The following SYNE1 variants were observed in gnomAD, a reference collection of about 807,000 sequenced individuals.
SYNE1 encodes the protein spectrin repeat containing nuclear envelope protein 1, also known as nesprin-1.
In SYNE1, 616 loss-of-function variants were observed where a neutral mutation model predicts 1,111.0. That is an observed-to-expected ratio of 0.55 (90% CI 0.52 to 0.59). The LOEUF (loss-of-function observed/expected upper bound fraction) is 0.59. Among genes scored for constraint, SYNE1 ranks in the 20% least tolerant of loss-of-function variants. The probability of loss-of-function intolerance (pLI) is 0.00; values close to 1 mark genes in which losing one functional copy is unlikely to be tolerated. For missense variants in SYNE1, 10,006 were observed against 10,417.0 expected (o/e 0.96, Z 1.72); for synonymous variants, 3,855 against 3,825.8 (o/e 1.01, Z -0.28).
chr6:152,443,171 C>A (rs2098548035), intron 30 of SYNE1, among the ~76,000 whole-genome samples: 1 of 152,052 alleles, frequency 6.6e-6, no homozygotes, highest in African/African-American at 2.4e-5. Flanking sequence ...ACATAAATAT[C>A]TATAATCTTA....
rs147212761 is a variant in SYNE1 at position 152,280,176 on chromosome 6, T to C, written c.18381+1631A>G. 6.7e-3 allele frequency among the ~76,000 whole-genome samples: 1,019 copies of C among 152,350 alleles called. 14 individuals carry two copies. Among genetic ancestry groups the C allele is most frequent in the African/African-American group, 0.024 (990 of 41,584 alleles). On this transcript the variant is annotated intron_variant, in intron 97 of 145. Transcript: ENST00000367255. ...CCGTTATAATTAGTGTGCAACTGAA[T>C]TCATATTAGATTTTAACTGACAAGA...
intron 117 of SYNE1, among the ~76,000 whole-genome samples, chr6:152,223,251 G>A (rs1046144479): frequency 7.2e-5 from 11 of 152,078 alleles, no homozygotes; most frequent in South Asian, 2.1e-4. Flanking sequence ...CCTTAGTAAC[G>A]ACAATTTAAG....
At position 152,353,733 on chromosome 6, in the gene SYNE1, T is replaced by A. The variant is rs768435931; in HGVS notation, c.10938A>T (p.Glu3646Asp). 2.5e-6 allele frequency: 4 copies of A among 1,614,084 alleles called. No individual in the cohort carries two copies. The South Asian group carries it at 4.4e-5, about 18-fold the overall frequency. Residue 3646 changes from glutamate to aspartate, a missense_variant, in exon 68 of 146, where the codon GAA becomes GAT. Around this residue, in one of 7 missense-constraint regions of SYNE1, gnomAD observed 4,955 missense variants for 5,017.2 expected, o/e 0.99. Transcript: ENST00000367255. Reference protein sequence around the residue: ...IQLHQMKKWHEEVTAYRDEVE... With the variant: ...IQLHQMKKWHDEVTAYRDEVE... ...CTTCATCTCTGTATGCAGTCACTTC[T>A]TCGTGCCACTTCTGAAATGACAAAG...
chr6:152,619,331 A>ACAGGGTCACACACATAG (rs1354560173), intron 3 of SYNE1, among the ~76,000 whole-genome samples: 286 of 152,014 alleles, frequency 1.9e-3, no homozygotes, highest in Admixed American at 3.1e-3. Flanking sequence ...ATCCAACATA[A>ACAGGGTCACACACATAG]ACAGGGTCAC....
chr6:152,397,257 T>C (rs2097748658), intron 49 of SYNE1, among the ~76,000 whole-genome samples: 1 of 152,198 alleles, frequency 6.6e-6, no homozygotes, highest in African/African-American at 2.4e-5. Context: ...CCATTCTCAC[T>C]GTCCCAACAT....
At chr6:152,630,152 C>T (rs561967944) in intron 2 of SYNE1, among the ~76,000 whole-genome samples, 2 of 151,640 alleles carry the variant, frequency 1.3e-5, no homozygotes, top group East Asian at 1.9e-4. Flanking sequence ...AAGATGCAAA[C>T]CTTTGCACAT....
chr6:152,209,341 A>C (rs188820248), intron 124 of SYNE1, among the ~76,000 whole-genome samples: 3 of 152,216 alleles, frequency 2.0e-5, no homozygotes, highest in Non-Finnish European at 2.9e-5. Flanking sequence ...TAATGACTCA[A>C]CTTAAACAAA....
At chr6:152,124,863 G>T (rs1203409147) in intron 145 of SYNE1, among the ~76,000 whole-genome samples, 3 of 152,192 alleles carry the variant, frequency 2.0e-5, no homozygotes, top group Admixed American at 2.0e-4. Context: ...TTTTGTAGGG[G>T]AGTAGCTAAG....
rs556818746 is a variant in SYNE1 at position 152,203,706 on chromosome 6, GCCCC to G, written c.23020-1761_23020-1758del. 1.6e-3 allele frequency among the ~76,000 whole-genome samples: 245 copies of G among 152,206 alleles called. 2 individuals are homozygous for G. Among genetic ancestry groups the G allele is most frequent in the Non-Finnish European group, 3.0e-3 (202 of 68,026 alleles). On this transcript the variant is annotated intron_variant, in intron 126 of 145. Coordinates refer to ENST00000367255, the MANE Select transcript of SYNE1 (RefSeq NM_182961.4). ...TTCTGGAAGCAGTGTTGACTAAAGT[GCCCC>G]CTTACTCAAAATGTCTTTATTCAAA...
chr6:152,165,998 G>C (rs956686966), intron 130 of SYNE1, among the ~76,000 whole-genome samples: 1 of 152,208 alleles, frequency 6.6e-6, no homozygotes, highest in African/African-American at 2.4e-5. Context: ...AGCACAGAGA[G>C]GTCCGTCCTG....
rs375273445 is a variant in SYNE1 at position 152,435,929 on chromosome 6, T to C, written c.4310+12A>G. On this transcript the variant is annotated intron_variant, in intron 33 of 145. Coordinates refer to ENST00000367255, the MANE Select transcript of SYNE1 (RefSeq NM_182961.4). Reference sequence around the variant, plus strand: ...CTCAGAGAAGAAAGTTTAGGACTTGTCAATCACATACTCTTCTTCAAGCGT... The same window carrying C: ...CTCAGAGAAGAAAGTTTAGGACTTGCCAATCACATACTCTTCTTCAAGCGT... The C allele has an allele frequency of 6.2e-7, 1 of 1,613,944 alleles. No homozygotes were observed. Among genetic ancestry groups the C allele is most frequent in the African/African-American group, 1.3e-5 (1 of 74,948 alleles).
intron 63 of SYNE1, among the ~76,000 whole-genome samples, chr6:152,362,634 C>T (rs2096954222): frequency 6.6e-6 from 1 of 152,112 alleles, no homozygotes; most frequent in Admixed American, 6.5e-5. Context: ...GAGAGAGATC[C>T]CCTGAGTGGG....
intron 6 of SYNE1, among the ~76,000 whole-genome samples, chr6:152,511,988 C>T (rs2099087445): frequency 6.6e-6 from 1 of 152,062 alleles, no homozygotes; most frequent in South Asian, 2.1e-4. Flanking sequence ...CAAATGAAAA[C>T]AAATAATAAT....
chr6:152,385,626 C>T (rs2154123802), intron 55 of SYNE1, 48 bp downstream of exon 55: 1 of 1,602,476 alleles, frequency 6.2e-7, no homozygotes, highest in Non-Finnish European at 8.5e-7. Context: ...CAAAAGTACT[C>T]AAGAAGGAAT....
chr6:152,256,824 A>G, intron 101 of SYNE1, 59 bp from the exon 102 acceptor site: 1 of 1,605,116 alleles, frequency 6.2e-7, no homozygotes, highest in Non-Finnish European at 8.5e-7. Context: ...CAGTATTCTC[A>G]TTTGGAAATG....
chr6:152,632,286 A>G (rs1338416021), intron 2 of SYNE1, among the ~76,000 whole-genome samples: 1 of 152,208 alleles, frequency 6.6e-6, no homozygotes, highest in Non-Finnish European at 1.5e-5. Context: ...GAAAATCCCC[A>G]GAAAACCTCT....
chr6:152,325,159 G>T lies in SYNE1; in HGVS notation c.15582C>A (p.Arg5194=). The T allele has an allele frequency of 6.2e-7, 1 of 1,614,188 alleles. No individual in the cohort carries two copies. Among genetic ancestry groups the T allele is most frequent in the Non-Finnish European group, 8.5e-7 (1 of 1,180,028 alleles). ...SMTTVWQRWT[R]LRAVAQDQEK... ...CCTGGTCCTGGGCCACAGCTCGAAG[G>T]CGTGTCCAGCGCTGCCAGACGGTGG... is the stretch of plus-strand genomic sequence containing the variant. The change falls in exon 81 of 146, where the codon CGC becomes CGA. Residue 5194 remains arginine (R), a synonymous_variant. Transcript: ENST00000367255.
intron 11 of SYNE1, among the ~76,000 whole-genome samples, chr6:152,496,065 CTCTACCT>C (rs2098997796): frequency 6.6e-6 from 1 of 152,110 alleles, no homozygotes; most frequent in Admixed American, 6.5e-5. Context: ...TCTGTGACTC[CTCTACCT>C]ACATGTGTCT....
At chr6:152,324,943 T>A (rs2096015595) in intron 81 of SYNE1, 141 bp downstream of exon 81, 1 of 994,616 alleles carries the variant, frequency 1.0e-6, no homozygotes, top group Admixed American at 2.0e-5. Flanking sequence ...CATAACTTAA[T>A]TTTTATGTCA....
Sources: gnomAD v4.1 joint callset for allele counts (sites outside exome capture counted in the v4.1 genomes callset) on GRCh38, gnomAD v4.1.1 for gene constraint, gnomAD v4.1.1 regional missense constraint, MANE v1.5 for transcripts, NCBI Gene and HGNC (gene_info 2026-07-23, HGNC 2026-07-21) for gene names.